Variants in ANKAR observed in about 807,000 individuals in gnomAD.
The protein encoded by ANKAR is ankyrin and armadillo repeat containing, also known as ankyrin and armadillo repeat-containing protein.
ANKAR carries 136 observed loss-of-function variants against 146.2 expected under a neutral mutation model. That is an observed-to-expected ratio of 0.93 (90% CI 0.81 to 1.07). The LOEUF (loss-of-function observed/expected upper bound fraction) is 1.07, where lower values mean the gene tolerates loss of function less well. Among genes scored for constraint, ANKAR ranks in the 50% least tolerant of loss-of-function variants. The pLI is 0.00. For missense variants in ANKAR, 1,567 were observed against 1,679.9 expected (o/e 0.93, Z 1.18); for synonymous variants, 500 against 575.8 (o/e 0.87, Z 1.88).
At chr2:189,760,065 G>C in intron 18 of ANKAR, among the ~76,000 whole-genome samples, 1 of 152,186 alleles carries the variant, frequency 6.6e-6, no homozygotes, top group Non-Finnish European at 1.5e-5. Flanking sequence ...CAGAGAGCAC[G>C]GGGTTGGGGG....
At chr2:189,740,410 A>T (rs1196092625) in intron 19 of ANKAR, among the ~76,000 whole-genome samples, 2 of 152,244 alleles carry the variant, frequency 1.3e-5, no homozygotes, top group African/African-American at 4.8e-5. Flanking sequence ...CCAGACAAAA[A>T]TATAAGGAGA....
intron 18 of ANKAR, chr2:189,754,641 A>G (rs1376391823): frequency 1.2e-5 from 4 of 344,416 alleles, no homozygotes; most frequent in Non-Finnish European, 1.6e-5. Flanking sequence ...CGTCAATAAT[A>G]AGAACTTGTC....
In ANKAR at chr2:189,689,916, A is replaced by C. The variant is rs1488679223; in HGVS notation, c.991A>C (p.Lys331Gln). The change falls in exon 3 of 23, where the codon AAG (lysine) becomes CAG (glutamine). Residue 331 changes from lysine (K) to glutamine (Q), a missense_variant. Lys to Gln is a moderately conservative substitution (Grantham distance 53). Coordinates refer to ENST00000684021, the MANE Select transcript of ANKAR (RefSeq NM_001378068.1). ...FLIPFLLSLKKKMKVPYLSSL... is the reference protein window; with the variant it reads ...FLIPFLLSLKQKMKVPYLSSL... ...GATTCCATTTCTACTGAGTTTAAAG[A>C]AGAAAATGAAAGTTCCATATTTAAG... The C allele has an allele frequency of 6.5e-7, 1 of 1,549,470 alleles. No homozygotes were observed. Among genetic ancestry groups the C allele is most frequent in the Admixed American group, 2.2e-5 (1 of 44,554 alleles).
chr2:189,748,723 C>A (rs1471398063), downstream of ANKAR, among the ~76,000 whole-genome samples: 2 of 152,130 alleles, frequency 1.3e-5, no homozygotes, highest in Non-Finnish European at 2.9e-5. Flanking sequence ...GAATTTATAA[C>A]AATGGAAATA....
chr2:189,748,096 G>T (rs368341063), downstream of ANKAR, among the ~76,000 whole-genome samples: 9 of 152,148 alleles, frequency 5.9e-5, no homozygotes, highest in African/African-American at 1.7e-4. Context: ...AGTAAGCATT[G>T]AAAGTATATA....
At chr2:189,753,874 T>A (rs2045666443) in intron 18 of ANKAR, 1 of 1,598,658 alleles carries the variant, frequency 6.3e-7, no homozygotes, top group African/African-American at 1.3e-5. Context: ...AAGTAACATA[T>A]TGCAAAGTGT....
intron 18 of ANKAR, among the ~76,000 whole-genome samples, chr2:189,752,427 A>C (rs2045414048): frequency 6.6e-6 from 1 of 152,178 alleles, no homozygotes; most frequent in Admixed American, 6.5e-5. Context: ...CTTACTCATG[A>C]CCTGTTTCTA....
chr2:189,716,959 A>C (rs2040547300), intron 10 of ANKAR, among the ~76,000 whole-genome samples: 1 of 152,210 alleles, frequency 6.6e-6, no homozygotes. Context: ...TTAAAGACTT[A>C]AATGTTAGAC....
intron 10 of ANKAR, among the ~76,000 whole-genome samples, chr2:189,714,381 T>A (rs1204940228): frequency 6.6e-6 from 1 of 152,060 alleles, no homozygotes; most frequent in African/African-American, 2.4e-5. Context: ...CCTCAGCAAA[T>A]GTAAAAGAAA....
At chr2:189,689,361 G>T (rs79216701) in intron 2 of ANKAR, among the ~76,000 whole-genome samples, 166 bp from the exon 3 acceptor site, 2,816 of 152,228 alleles carry the variant, frequency 0.018, 86 homozygotes, top group African/African-American at 0.064. Context: ...TCAGTCAGTT[G>T]TAGGGAGTGC....
At position 189,734,231 on chromosome 2, in the gene ANKAR, T is replaced by A. The variant is rs78447173; in HGVS notation, c.3423+1002T>A. 4.6e-3 allele frequency among the ~76,000 whole-genome samples: 700 copies of A among 152,348 alleles called. 5 individuals are homozygous for A. The highest frequency in any genetic ancestry group is 0.016 in the African/African-American group (664 of 41,570). Reference sequence around the variant, plus strand: ...TGTTTTTCCTTTTGTAGTTAATAAGTATCTTAAGGTGAGACACTTTGAGAT... The same window carrying A: ...TGTTTTTCCTTTTGTAGTTAATAAGAATCTTAAGGTGAGACACTTTGAGAT... On this transcript the variant is annotated intron_variant, in intron 17 of 22. Transcript: ENST00000684021.
chr2:189,719,050 A>G lies in ANKAR; in HGVS notation c.2225-522A>G, dbSNP rs147039895. 1.2e-3 allele frequency among the ~76,000 whole-genome samples: 184 copies of G among 152,302 alleles called. 2 individuals carry two copies. Among genetic ancestry groups the G allele is most frequent in the African/African-American group, 4.0e-3 (165 of 41,570 alleles). ...AGGCGTGAGCCACCGCGCCCGGCCT[A>G]TTTTCACTATGGCTAATTTCTATCT... On this transcript the variant is annotated intron_variant, in intron 10 of 22. Transcript: ENST00000684021.
rs558481888 is a variant in ANKAR at position 189,751,673 on chromosome 2, A to G, written c.*584+6885A>G. On this transcript the variant is annotated intron_variant and NMD_transcript_variant, in intron 18 of 18. Coordinates refer to the ANKAR transcript ENST00000441800. ...TTGGCCAGGCTGGTCTCGAACTCCT[A>G]ACCTCAGATGATCTGCCCACCTCAG... Among the ~76,000 whole-genome samples, 4 of 150,956 alleles carry G rather than the reference A, an allele frequency of 2.6e-5. No homozygotes were observed. The South Asian group carries it at 8.5e-4, about 32-fold the overall frequency.
downstream of ANKAR, chr2:189,762,541 C>G: frequency 1.0e-6 from 1 of 959,022 alleles, no homozygotes; most frequent in Non-Finnish European, 1.2e-6. Context: ...CCCTTTCGGG[C>G]CAAGAAAGCT....
intron 5 of ANKAR, among the ~76,000 whole-genome samples, chr2:189,694,772 A>G (rs1049287708): frequency 1.3e-5 from 2 of 152,250 alleles, no homozygotes; most frequent in South Asian, 4.1e-4. Context: ...GACAGAGTCA[A>G]TACAATATGA....
intron 19 of ANKAR, among the ~76,000 whole-genome samples, chr2:189,740,445 TA>T (rs1299453558): frequency 1.3e-5 from 2 of 152,232 alleles, no homozygotes; most frequent in African/African-American, 2.4e-5. Flanking sequence ...CATATCTCAA[TA>T]AAGTATCCAC....
At position 189,677,086 on chromosome 2, in the gene ANKAR, C is replaced by T. The variant is rs1559047175; in HGVS notation, c.596C>T (p.Ser199Leu). 6.5e-7 allele frequency: 1 copy of T among 1,533,016 alleles called. No individual in the cohort carries two copies. The allele number at this position is 1,533,016 out of a possible 1,614,324, so 95.0% of individuals were successfully genotyped here. A position where few individuals can be genotyped will look rare whatever the true frequency, so the allele number is the denominator to read the frequency against. ...TNKDIFSEFS[S>L]AGLTDITKDP... ...AAAGACATTTTTTCAGAGTTTAGTTCAGCAGGTAAGAGAATTTAACACTTC... is the reference window on the plus strand; with the variant it reads ...AAAGACATTTTTTCAGAGTTTAGTTTAGCAGGTAAGAGAATTTAACACTTC... Residue 199 changes from serine to leucine, a missense_variant, in exon 2 of 23, where the codon TCA becomes TTA. Physicochemically the swap from Ser to Leu is moderately radical, Grantham distance 145 (BLOSUM62 -2). Coordinates refer to ENST00000684021, the MANE Select transcript of ANKAR (RefSeq NM_001378068.1).
At chr2:189,750,346 G>A (rs1189700995), downstream of ANKAR, among the ~76,000 whole-genome samples, 1 of 151,786 alleles carries the variant, frequency 6.6e-6, no homozygotes, top group Non-Finnish European at 1.5e-5. Context: ...TTTCTCAAAA[G>A]ATGTTTTATT....
chr2:189,736,043 T>C (rs1014750574), intron 17 of ANKAR, among the ~76,000 whole-genome samples: 12 of 152,178 alleles, frequency 7.9e-5, no homozygotes, highest in African/African-American at 2.9e-4. Flanking sequence ...ACAGTTGACA[T>C]TGGGGAAGAA....
Sources: gnomAD v4.1 joint callset for allele counts (sites outside exome capture counted in the v4.1 genomes callset) on GRCh38, gnomAD v4.1.1 for gene constraint, MANE v1.5 for transcripts, NCBI Gene and HGNC (gene_info 2026-07-23, HGNC 2026-07-21) for gene names.